The following TTC21B variants were observed in gnomAD, a reference collection of about 807,000 sequenced individuals.
The protein encoded by TTC21B is tetratricopeptide repeat domain 21B, also known as tetratricopeptide repeat protein 21B.
TTC21B carries 127 observed loss-of-function variants against 175.1 expected under a neutral mutation model. That is an observed-to-expected ratio of 0.73 (90% CI 0.63 to 0.84). The LOEUF (loss-of-function observed/expected upper bound fraction) is 0.84. Ranked by LOEUF, TTC21B falls within the 40% of genes least tolerant of loss-of-function variation. The pLI, the probability that TTC21B is intolerant of heterozygous loss-of-function variation, is 0.00. For synonymous variants in TTC21B, 524 were observed against 524.5 expected, an observed-to-expected ratio of 1.00 and a Z score of 0.01; for missense variants, 1,561 against 1,558.3, an observed-to-expected ratio of 1.00 and a Z score of -0.03.
intron 5 of TTC21B, 67 bp from the exon 6 acceptor site, chr2:165,941,251 A>C: frequency 2.6e-6 from 4 of 1,561,368 alleles, no homozygotes; most frequent in Non-Finnish European, 3.5e-6. Flanking sequence ...CATAACGCAG[A>C]GCAGGCAGAG....
chr2:165,914,698 T>TGTGTGTGCGCGCGCGCGCGCGCGCGTGTG (rs71031214), intron 15 of TTC21B, among the ~76,000 whole-genome samples: 1 of 132,374 alleles, frequency 7.6e-6, no homozygotes, highest in African/African-American at 3.1e-5. Flanking sequence ...TGTGTGTGTG[T>TGTGTGTGCGCGCGCGCGCGCGCGCGTGTG]TGTGTATCCC....
chr2:165,906,079 AACCCACCG>A (rs1286741344), intron 19 of TTC21B, among the ~76,000 whole-genome samples: 4 of 152,108 alleles, frequency 2.6e-5, no homozygotes, highest in Admixed American at 2.6e-4. Context: ...ACTTTTAAAT[AACCCACCG>A]GTCCAAGAAG....
intron 1 of TTC21B, 23 bp downstream of exon 1, chr2:165,953,662 C>CGCTCACCCGCTCACCT: frequency 6.5e-7 from 1 of 1,544,712 alleles, no homozygotes; most frequent in Non-Finnish European, 8.7e-7. Context: ...CCCGCTCACC[C>CGCTCACCCGCTCACCT]GCTCACCCGC....
chr2:165,895,039 A>C (rs777549036), intron 22 of TTC21B, among the ~76,000 whole-genome samples: 1 of 152,088 alleles, frequency 6.6e-6, no homozygotes, highest in Non-Finnish European at 1.5e-5. Flanking sequence ...CCAGCACCAC[A>C]TAAGACATTT....
At chr2:165,900,824 T>C (rs748067369) in intron 20 of TTC21B, among the ~76,000 whole-genome samples, 1 of 152,058 alleles carries the variant, frequency 6.6e-6, no homozygotes, top group Non-Finnish European at 1.5e-5. Flanking sequence ...AAAACATAAA[T>C]ATTAAAACAA....
chr2:165,891,200 G>A (rs1685180238), intron 22 of TTC21B, among the ~76,000 whole-genome samples: 1 of 151,966 alleles, frequency 6.6e-6, no homozygotes, highest in Admixed American at 6.6e-5. Flanking sequence ...TGGTCACAGT[G>A]TCTACATAGG....
At position 165,898,785 on chromosome 2, in the gene TTC21B, G is replaced by C; in HGVS notation, c.2869-18C>G. Reference sequence around the variant, plus strand: ...GCCATCATCTATAAAGATAAAAGTTGGTTCTAAAAATATTGCCATGTATTT... The same window carrying C: ...GCCATCATCTATAAAGATAAAAGTTCGTTCTAAAAATATTGCCATGTATTT... On this transcript the variant is annotated intron_variant, in intron 21 of 28. Transcript: ENST00000243344. 1 of 1,556,820 alleles carries C rather than the reference G, an allele frequency of 6.4e-7. No homozygotes were observed. Among genetic ancestry groups the C allele is most frequent in the African/African-American group, 1.4e-5 (1 of 73,866 alleles).
chr2:165,907,764 T>C lies in TTC21B; in HGVS notation c.2482A>G (p.Met828Val), dbSNP rs770994783. Residue 828 changes from methionine (M) to valine (V), a missense_variant, in exon 19 of 29, where the codon ATG (methionine) becomes GTG (valine). Transcript: ENST00000243344. Reference sequence around the variant, plus strand: ...AGAACTTGACAACGTCCATCCTCCATGAGAGCTGACAGTTCATTTACTATG... The same window carrying C: ...AGAACTTGACAACGTCCATCCTCCACGAGAGCTGACAGTTCATTTACTATG... Reference protein sequence around the residue: ...HEPVNELSALMEDGRCQVLLA... With the variant: ...HEPVNELSALVEDGRCQVLLA... 4.3e-6 allele frequency: 7 copies of C among 1,612,136 alleles called. No individual in the cohort carries two copies. In the Admixed American group the frequency reaches 8.3e-5, roughly 19 times the overall value.
intron 15 of TTC21B, 71 bp downstream of exon 15, chr2:165,915,130 T>TA (rs1018891704): frequency 2.9e-4 from 364 of 1,246,310 alleles, no homozygotes; most frequent in Middle Eastern, 5.4e-4. Context: ...GAAAGAAAGT[T>TA]AAAAAAAAAT....
intron 6 of TTC21B, chr2:165,933,729 T>C (rs1235682745): frequency 1.3e-5 from 2 of 152,290 alleles, no homozygotes; most frequent in African/African-American, 4.8e-5. Flanking sequence ...TCTTCTGCCA[T>C]GTAACTAACT....
At chr2:165,915,569 A>C in intron 14 of TTC21B, 130 bp from the exon 15 acceptor site, 1 of 900,196 alleles carries the variant, frequency 1.1e-6, no homozygotes, top group Non-Finnish European at 1.7e-6. Context: ...ATAAATTGAT[A>C]GAATTTTCTG....
At chr2:165,930,499 G>A in intron 8 of TTC21B, 135 bp from the exon 9 acceptor site, 3 of 595,360 alleles carry the variant, frequency 5.0e-6, no homozygotes, top group East Asian at 3.1e-5. Context: ...AATAATTAAG[G>A]AAAAATAAAA....
Position 165,943,216 on chromosome 2 carries a change from C to G in TTC21B, c.552+3G>C. 1 of 1,613,528 alleles carries G rather than the reference C, an allele frequency of 6.2e-7. No homozygotes were observed. The highest frequency in any genetic ancestry group is 1.3e-5 in the African/African-American group (1 of 75,038). ...TGATTTATTTACCCTAACTCCAACT[C>G]ACCTTACCCAGCAGAGCAAAAGTAT... On this transcript the variant is annotated splice_donor_region_variant and intron_variant, in intron 5 of 28. Transcript: ENST00000243344.
chr2:165,901,316 T>C (rs1042866568), intron 20 of TTC21B, among the ~76,000 whole-genome samples: 3 of 152,172 alleles, frequency 2.0e-5, no homozygotes, highest in African/African-American at 7.2e-5. Flanking sequence ...ATCTTGTTTC[T>C]ATTTTTTTAT....
At position 165,883,701 on chromosome 2, in the gene TTC21B, A is replaced by T. The variant is rs539589507; in HGVS notation, c.3684+93T>A. ...ATTTAATTTTCAAAAATCACACAGG[A>T]ATCCTTGGAAATGGACTAACACTCA... On this transcript the variant is annotated intron_variant, in intron 26 of 28. Coordinates refer to ENST00000243344, the MANE Select transcript of TTC21B (RefSeq NM_024753.5). The T allele has an allele frequency of 7.0e-6, 7 of 995,694 alleles. No homozygotes were observed. The East Asian group carries it at 1.2e-4, about 18-fold the overall frequency. 61.7% of individuals were successfully genotyped at this position (995,694 alleles called of 1,614,324 possible).
At chr2:165,945,230 A>G (rs1320207937) in intron 4 of TTC21B, among the ~76,000 whole-genome samples, 2 of 152,270 alleles carry the variant, frequency 1.3e-5, no homozygotes, top group East Asian at 1.9e-4. Flanking sequence ...AGGAAAGGAC[A>G]AAATATGGAG....
chr2:165,922,978 A>C (rs1686472811), intron 12 of TTC21B, among the ~76,000 whole-genome samples: 1 of 152,192 alleles, frequency 6.6e-6, no homozygotes, highest in African/African-American at 2.4e-5. Flanking sequence ...AAATGAAGTA[A>C]TTGAGGAATG....
At chr2:165,934,517 A>AAAAAAG (rs1553514802) in intron 6 of TTC21B, among the ~76,000 whole-genome samples, 9 of 116,582 alleles carry the variant, frequency 7.7e-5, no homozygotes, top group African/African-American at 2.6e-4. Flanking sequence ...AAAAAAAAAA[A>AAAAAAG]AAAAGAAAAG....
chr2:165,903,880 T>C (rs1486851222), intron 19 of TTC21B, among the ~76,000 whole-genome samples: 1 of 152,158 alleles, frequency 6.6e-6, no homozygotes, highest in Middle Eastern at 3.2e-3. Context: ...TTGAATTGCA[T>C]CTTAAGATTT....
Sources: allele counts gnomAD v4.1 joint callset (sites outside exome capture counted in the v4.1 genomes callset), GRCh38; gene constraint gnomAD v4.1.1; transcripts MANE v1.5; gene names NCBI Gene and HGNC (gene_info 2026-07-23, HGNC 2026-07-21).